GALNT13: variants seen among roughly 807,000 people sequenced by gnomAD.
GALNT13 encodes UDP-GalNAc:polypeptide N-acetylgalactosaminyltransferase 13.
In GALNT13, 28 loss-of-function variants were observed where a neutral mutation model predicts 64.2. That is an observed-to-expected ratio of 0.44 (90% CI 0.32 to 0.60). The LOEUF is 0.60. Among genes scored for constraint, GALNT13 ranks in the 20% least tolerant of loss-of-function variants. The pLI, the probability that GALNT13 is intolerant of heterozygous loss-of-function variation, is 0.05. For missense variants in GALNT13, 577 were observed against 669.8 expected (o/e 0.86, Z 1.53); for synonymous variants, 214 against 224.6 (o/e 0.95, Z 0.42).
At chr2:154,194,535 C>T (rs1686774065) in intron 4 of GALNT13, among the ~76,000 whole-genome samples, 1 of 152,162 alleles carries the variant, frequency 6.6e-6, no homozygotes, top group South Asian at 2.1e-4. Context: ...GTTGAATTTA[C>T]ATGAACCAGA....
At chr2:153,599,627 C>T in the GALNT13 span, among the ~76,000 whole-genome samples, 1 of 151,876 alleles carries the variant, frequency 6.6e-6, no homozygotes, top group African/African-American at 2.4e-5. Flanking sequence ...GCTGTTTCAC[C>T]ACATTCATTA....
chr2:153,248,463 G>A, the GALNT13 span, among the ~76,000 whole-genome samples: 1 of 151,790 alleles, frequency 6.6e-6, no homozygotes, highest in Non-Finnish European at 1.5e-5. Flanking sequence ...GGCAAAAACC[G>A]CTTGATTATT....
the GALNT13 span, among the ~76,000 whole-genome samples, chr2:153,199,139 G>A: frequency 2.6e-5 from 4 of 152,170 alleles, no homozygotes; most frequent in South Asian, 4.1e-4. Context: ...TTCTTGGGTC[G>A]GCCCTGGTTC....
intron 4 of GALNT13, among the ~76,000 whole-genome samples, chr2:154,145,171 T>G (rs1426571253): frequency 6.7e-6 from 1 of 148,722 alleles, no homozygotes; most frequent in East Asian, 2.0e-4. Flanking sequence ...TATTTATATG[T>G]ATAAATAAAA....
At chr2:153,393,511 C>T in the GALNT13 span, among the ~76,000 whole-genome samples, 14 of 151,852 alleles carry the variant, frequency 9.2e-5, no homozygotes, top group African/African-American at 3.1e-4. Flanking sequence ...ATTAATGTTC[C>T]GTTGCTGTAT....
the GALNT13 span, among the ~76,000 whole-genome samples, chr2:153,267,495 T>C: frequency 1.3e-5 from 2 of 152,334 alleles, no homozygotes; most frequent in South Asian, 4.1e-4. Context: ...CCACCAAGGA[T>C]TGGGGCTTGC....
chr2:153,072,437 C>G, the GALNT13 span, among the ~76,000 whole-genome samples: 1 of 152,116 alleles, frequency 6.6e-6, no homozygotes, highest in South Asian at 2.1e-4. Context: ...ATAAGTAAAT[C>G]GGTAAACAGA....
At chr2:153,468,818 A>C in the GALNT13 span, among the ~76,000 whole-genome samples, 1 of 152,252 alleles carries the variant, frequency 6.6e-6, no homozygotes, top group East Asian at 1.9e-4. Flanking sequence ...CTAGGGTAGC[A>C]CACGGTGTAC....
the GALNT13 span, among the ~76,000 whole-genome samples, chr2:153,683,293 G>A: frequency 6.6e-6 from 1 of 151,660 alleles, no homozygotes; most frequent in Admixed American, 6.6e-5. Context: ...AATAATACAG[G>A]CAAAGTGCTA....
At chr2:153,372,375 T>C in the GALNT13 span, among the ~76,000 whole-genome samples, 1 of 151,960 alleles carries the variant, frequency 6.6e-6, no homozygotes, top group Non-Finnish European at 1.5e-5. Context: ...AGGCCAGGTG[T>C]GGTGGCTCAC....
the GALNT13 span, among the ~76,000 whole-genome samples, chr2:153,563,004 GATC>G: frequency 3.3e-5 from 5 of 151,998 alleles, no homozygotes; most frequent in African/African-American, 2.4e-5. Context: ...TATTTATGCT[GATC>G]ATATTTTTTG....
the GALNT13 span, among the ~76,000 whole-genome samples, chr2:153,590,873 G>A: frequency 6.6e-6 from 1 of 152,084 alleles, no homozygotes. Context: ...ACTGAATGGA[G>A]AAATGTTGAA....
chr2:154,037,021 G>GAAAC (rs1177146988), intron 3 of GALNT13, among the ~76,000 whole-genome samples: 1 of 151,966 alleles, frequency 6.6e-6, no homozygotes. Flanking sequence ...TCTGAAACCA[G>GAAAC]AAACAACCAT....
chr2:154,220,162 T>C (rs1324660782), intron 4 of GALNT13, among the ~76,000 whole-genome samples: 1 of 152,090 alleles, frequency 6.6e-6, no homozygotes, highest in Non-Finnish European at 1.5e-5. Flanking sequence ...CTCTGTCCAC[T>C]TCAATGAGTA....
At chr2:153,671,411 A>T in the GALNT13 span, among the ~76,000 whole-genome samples, 1 of 152,096 alleles carries the variant, frequency 6.6e-6, no homozygotes, top group Non-Finnish European at 1.5e-5. Flanking sequence ...ATTCTTAAAG[A>T]AAGGAATTTT....
At chr2:153,198,555 T>C in the GALNT13 span, among the ~76,000 whole-genome samples, 6 of 152,232 alleles carry the variant, frequency 3.9e-5, no homozygotes, top group Non-Finnish European at 7.3e-5. Context: ...TTGACTATTT[T>C]GGTTCTTTGT....
the GALNT13 span, among the ~76,000 whole-genome samples, chr2:153,455,323 T>C: frequency 1.1e-4 from 17 of 152,292 alleles, 1 homozygote; most frequent in Admixed American, 9.2e-4. Context: ...AGCTGGGAAG[T>C]ACTGAAGTAG....
chr2:153,401,285 G>A, the GALNT13 span, among the ~76,000 whole-genome samples: 1 of 151,790 alleles, frequency 6.6e-6, no homozygotes, highest in Non-Finnish European at 1.5e-5. Flanking sequence ...ACTGTGGTCT[G>A]AGAGATAGTT....
At chr2:154,270,306 T>G (rs547185494) in intron 8 of GALNT13, among the ~76,000 whole-genome samples, 3 of 152,054 alleles carry the variant, frequency 2.0e-5, no homozygotes, top group African/African-American at 7.2e-5. Flanking sequence ...GGAGACATGC[T>G]TATAGTTTTA....
Sources: allele counts gnomAD v4.1 joint callset (sites outside exome capture counted in the v4.1 genomes callset), GRCh38; gene constraint gnomAD v4.1.1; transcripts MANE v1.5; gene names NCBI Gene and HGNC (gene_info 2026-07-23, HGNC 2026-07-21).